Variants in PGLYRP4 observed in about 807,000 individuals in gnomAD.
The protein encoded by PGLYRP4 is peptidoglycan recognition protein 4.
In PGLYRP4, 39 loss-of-function variants were observed where a neutral mutation model predicts 41.2. The observed-to-expected ratio is 0.95, with a 90% CI of 0.73 to 1.24. The LOEUF is 1.24. Ranked by LOEUF, PGLYRP4 falls within the 50% of genes most tolerant of loss-of-function variation. The probability of loss-of-function intolerance (pLI) is 0.00; values close to 1 mark genes in which losing one functional copy is unlikely to be tolerated. For synonymous variants in PGLYRP4, 202 were observed against 186.8 expected (o/e 1.08, Z -0.66); for missense variants, 467 against 460.7 (o/e 1.01, Z -0.13).
At chr1:153,345,644 C>A (rs898414295) in intron 3 of PGLYRP4, among the ~76,000 whole-genome samples, 11 of 152,220 alleles carry the variant, frequency 7.2e-5, no homozygotes, top group African/African-American at 2.7e-4. Flanking sequence ...GTGGTCCAGG[C>A]TCTGCACTTC....
Position 153,336,053 on chromosome 1 carries a change from T to C in PGLYRP4, c.943+1128A>G, listed in dbSNP as rs879740123. On this transcript the variant is annotated intron_variant, in intron 8 of 8. Coordinates refer to ENST00000359650, the MANE Select transcript of PGLYRP4 (RefSeq NM_020393.4). ...AAAAGGTAGGGTGCGTGCGTGTGTG[T>C]GTGTGTGTGTGTGTGTGTACACCAT... 4.0e-3 allele frequency among the ~76,000 whole-genome samples: 591 copies of C among 149,182 alleles called. 5 individuals carry two copies. The highest frequency in any genetic ancestry group is 0.013 in the African/African-American group (553 of 41,074).
intron 8 of PGLYRP4, among the ~76,000 whole-genome samples, chr1:153,332,762 C>A (rs1000143200): frequency 6.6e-6 from 1 of 152,050 alleles, no homozygotes; most frequent in Non-Finnish European, 1.5e-5. Context: ...GGAAATTAAA[C>A]AACCTGCTCC....
rs201749778 is a variant in PGLYRP4, at chr1:153,337,203, A to G, written c.921T>C (p.Ile307=). ...TACCTGTGAAGGTGCCCATGAAGGTAATGCCCAGGGCAATGTCATCGTAGC... is the reference window on the plus strand; with the variant it reads ...TACCTGTGAAGGTGCCCATGAAGGTGATGCCCAGGGCAATGTCATCGTAGC... ...TPGYDDIALG[I]TFMGTFTGIP... is the part of the protein sequence containing the mutation. The change falls in exon 8 of 9, where the codon ATT becomes ATC. Residue 307 remains isoleucine (I), a synonymous_variant. Transcript: ENST00000359650. The G allele has an allele frequency of 8.1e-6, 13 of 1,612,810 alleles. No homozygotes were observed. Among genetic ancestry groups the G allele is most frequent in the African/African-American group, 1.3e-5 (1 of 74,892 alleles).
chr1:153,342,195 G>A (rs924314159), intron 5 of PGLYRP4, among the ~76,000 whole-genome samples: 1 of 152,184 alleles, frequency 6.6e-6, no homozygotes, highest in African/African-American at 2.4e-5. Flanking sequence ...TTGTGAAGAG[G>A]AACTTGAGGC....
In PGLYRP4 at chr1:153,334,466, A is replaced by ATATATATATATATT. The variant is rs1269841747; in HGVS notation, c.943+2714_943+2715insAATATATATATATA. Reference sequence around the variant, plus strand: ...TGTGTGTATAAATATATATATATTTATTTATATATATTTATATATATATAC... The same window carrying ATATATATATATATT: ...TGTGTGTATAAATATATATATATTTATATATATATATATTTTTATATATATTTATATATATATAC... On this transcript the variant is annotated intron_variant, in intron 8 of 8. Coordinates refer to ENST00000359650, the MANE Select transcript of PGLYRP4 (RefSeq NM_020393.4). Among the ~76,000 whole-genome samples, 34 of 141,804 alleles carry ATATATATATATATT rather than the reference A, an allele frequency of 2.4e-4. 1 individual carries two copies. The highest frequency in any genetic ancestry group is 6.1e-5 in the Non-Finnish European group (4 of 65,570). The allele number at this position is 141,804 out of a possible 152,430, so 93.0% of individuals were successfully genotyped here.
At chr1:153,338,112 G>T (rs563889073) in intron 7 of PGLYRP4, among the ~76,000 whole-genome samples, 1 of 152,030 alleles carries the variant, frequency 6.6e-6, no homozygotes, top group East Asian at 1.9e-4. Flanking sequence ...CATCTTCTTC[G>T]TCACCTGTTC....
At chr1:153,331,081 A>T (rs1287707958) in intron 8 of PGLYRP4, 136 bp from the exon 9 acceptor site, 1 of 611,112 alleles carries the variant, frequency 1.6e-6, no homozygotes, top group Admixed American at 3.1e-5. Context: ...GGCAAAAAAA[A>T]CAAGGTCAAG....
Position 153,342,045 on chromosome 1 carries a change from G to A in PGLYRP4, c.473-266C>T, listed in dbSNP as rs968017352. ...TGAAAGAGCTCAGAAGCAGCACCAA[G>A]CCCAGCAGCACCCGCCAGGCCAGGC... On this transcript the variant is annotated intron_variant, in intron 5 of 8. Transcript: ENST00000359650. Among the ~76,000 whole-genome samples, 5 of 152,170 alleles carry A rather than the reference G, an allele frequency of 3.3e-5. No homozygotes were observed. The East Asian group carries it at 7.7e-4, about 23-fold the overall frequency.
chr1:153,331,999 G>C (rs532423519), intron 8 of PGLYRP4, among the ~76,000 whole-genome samples: 2 of 152,080 alleles, frequency 1.3e-5, no homozygotes, highest in South Asian at 2.1e-4. Flanking sequence ...TGAACTAAAG[G>C]CTTCACTTAA....
chr1:153,332,602 A>G (rs1412424028), intron 8 of PGLYRP4, among the ~76,000 whole-genome samples: 3 of 152,190 alleles, frequency 2.0e-5, no homozygotes, highest in Non-Finnish European at 4.4e-5. Context: ...CACACAGAAC[A>G]GTCTCAAAAA....
At chr1:153,333,911 C>T (rs925123309) in intron 8 of PGLYRP4, among the ~76,000 whole-genome samples, 12 of 152,082 alleles carry the variant, frequency 7.9e-5, no homozygotes, top group African/African-American at 2.7e-4. Context: ...GAACATACCT[C>T]AGAATAAAAA....
At chr1:153,333,185 G>GA (rs894762155) in intron 8 of PGLYRP4, among the ~76,000 whole-genome samples, 4 of 151,576 alleles carry the variant, frequency 2.6e-5, no homozygotes, top group Admixed American at 2.0e-4. Flanking sequence ...GATTAACCAA[G>GA]AAAAAAAGAG....
rs1489979144 is a variant in PGLYRP4, at chr1:153,343,223, A to C, written c.354-15T>G. ...CAACCAGGAAGCTATGGAGCAAGAT[A>C]ATACAGGTTTCATGGCTGGCACTGT... On this transcript the variant is annotated splice_polypyrimidine_tract_variant and intron_variant, in intron 4 of 8. Coordinates refer to ENST00000359650, the MANE Select transcript of PGLYRP4 (RefSeq NM_020393.4). The C allele has an allele frequency of 1.3e-6, 2 of 1,565,900 alleles. No individual in the cohort carries two copies. The highest frequency in any genetic ancestry group is 1.8e-6 in the Non-Finnish European group (2 of 1,136,842).
At chr1:153,332,491 A>G (rs1275350857) in intron 8 of PGLYRP4, among the ~76,000 whole-genome samples, 1 of 152,168 alleles carries the variant, frequency 6.6e-6, no homozygotes, top group Non-Finnish European at 1.5e-5. Flanking sequence ...AAATCAACAA[A>G]GAAACTCTAG....
intron 7 of PGLYRP4, 112 bp downstream of exon 7, chr1:153,340,269 G>A (rs1357930368): frequency 6.6e-6 from 6 of 912,302 alleles, no homozygotes; most frequent in Non-Finnish European, 1.1e-5. Context: ...TCCATACAGT[G>A]CCTCTCCTAT....
At chr1:153,336,536 A>G (rs1048797589) in intron 8 of PGLYRP4, among the ~76,000 whole-genome samples, 1 of 152,182 alleles carries the variant, frequency 6.6e-6, no homozygotes, top group African/African-American at 2.4e-5. Context: ...CAATGGGTAC[A>G]TATTGGCACA....
intron 7 of PGLYRP4, among the ~76,000 whole-genome samples, chr1:153,337,744 CCTT>C (rs1353102342): frequency 1.3e-5 from 2 of 152,176 alleles, no homozygotes; most frequent in African/African-American, 4.8e-5. Flanking sequence ...GGCCTTTTCT[CCTT>C]CTCACCAAGA....
intron 7 of PGLYRP4, 106 bp from the exon 8 acceptor site, chr1:153,337,405 T>C: frequency 4.4e-6 from 3 of 679,228 alleles, no homozygotes; most frequent in Non-Finnish European, 7.5e-6. Flanking sequence ...ACTTTGATTA[T>C]CTATTGGATT....
At chr1:153,342,051 C>T (rs905277450) in intron 5 of PGLYRP4, among the ~76,000 whole-genome samples, 6 of 152,198 alleles carry the variant, frequency 3.9e-5, no homozygotes, top group Non-Finnish European at 8.8e-5. Flanking sequence ...CCAAGCCCAG[C>T]AGCACCCGCC....
Sources: gnomAD v4.1 joint callset for allele counts (sites outside exome capture counted in the v4.1 genomes callset) on GRCh38, gnomAD v4.1.1 for gene constraint, MANE v1.5 for transcripts, NCBI Gene and HGNC (gene_info 2026-07-23, HGNC 2026-07-21) for gene names.